EDA2R: variants seen among roughly 807,000 people sequenced by gnomAD.
EDA2R encodes tumor necrosis factor receptor superfamily member 27.
Under a neutral mutation model 20.1 loss-of-function variants are expected in EDA2R, and 26 were observed. That is an observed-to-expected ratio of 1.30 (90% CI 0.95 to 1.80). The LOEUF (loss-of-function observed/expected upper bound fraction) is 1.80, where lower values mean the gene tolerates loss of function less well. Among genes scored for constraint, EDA2R ranks in the 40% most tolerant of loss-of-function variants. The pLI is 0.00. For missense variants in EDA2R, 277 were observed against 228.7 expected (o/e 1.21, Z -1.36); for synonymous variants, 114 against 88.7 (o/e 1.29, Z -1.60).
chrX:66,604,020 C>T (rs977222626), intron 4 of EDA2R, among the ~76,000 whole-genome samples: 138 of 111,533 alleles, frequency 1.2e-3, no homozygotes, highest in African/African-American at 4.4e-3. Context: ...AGATTGGACC[C>T]TAGTTCTTCA....
At chrX:66,616,670 T>C (rs1317951578) in intron 1 of EDA2R, among the ~76,000 whole-genome samples, 1 of 112,343 alleles carries the variant, frequency 8.9e-6, no homozygotes, top group African/African-American at 3.2e-5. Context: ...GTAGACATAT[T>C]TTGGTGCACA....
chrX:66,635,711 ATG>A (rs1934257581), intron 1 of EDA2R, among the ~76,000 whole-genome samples: 1 of 111,932 alleles, frequency 8.9e-6, no homozygotes, highest in Non-Finnish European at 1.9e-5. Flanking sequence ...AGTAAGAAAA[ATG>A]TGTCTTGCAG....
At chrX:66,624,706 G>A (rs748766631) in intron 1 of EDA2R, among the ~76,000 whole-genome samples, 4 of 110,995 alleles carry the variant, frequency 3.6e-5, no homozygotes, top group African/African-American at 6.6e-5. Flanking sequence ...GGTTTGCATC[G>A]TGCATTTTAG....
intron 2 of EDA2R, among the ~76,000 whole-genome samples, chrX:66,609,766 T>C (rs1930383858): frequency 1.8e-5 from 2 of 111,895 alleles, no homozygotes; most frequent in Admixed American, 9.5e-5. Flanking sequence ...GCTGACCAAA[T>C]GAACAAAAGG....
At position 66,602,817 on chromosome X, in the gene EDA2R, G is replaced by A. The variant is rs747797955; in HGVS notation, c.353-20C>T. ...AGGCACCTGTGAGACAAAAAAATGG[G>A]GGAGGTCAGTTAGCATGGGCAGTAA... On this transcript the variant is annotated intron_variant, in intron 4 of 6. Transcript: ENST00000374719. 1 of 1,161,419 alleles carries A rather than the reference G, an allele frequency of 8.6e-7. No homozygotes were observed. The highest frequency in any genetic ancestry group is 2.0e-5 in the South Asian group (1 of 49,689).
chrX:66,616,169 G>C, intron 1 of EDA2R, 139 bp from the exon 2 acceptor site: 2 of 450,405 alleles, frequency 4.4e-6, no homozygotes, highest in East Asian at 7.5e-5. Flanking sequence ...CAACACAAAA[G>C]AGTTAATGCT....
chrX:66,628,457 AAAG>A (rs1284621472), intron 1 of EDA2R, among the ~76,000 whole-genome samples: 1 of 111,666 alleles, frequency 9.0e-6, no homozygotes, highest in African/African-American at 3.3e-5. Context: ...TTAACCAAGA[AAAG>A]AAGTCAGAAA....
intron 4 of EDA2R, 85 bp from the exon 5 acceptor site, chrX:66,602,882 T>C: frequency 1.1e-6 from 1 of 911,201 alleles, no homozygotes; most frequent in Non-Finnish European, 1.5e-6. Flanking sequence ...CCTCAGGCTG[T>C]CACCCTTCTC....
chrX:66,629,747 T>C (rs974171706), intron 1 of EDA2R, among the ~76,000 whole-genome samples: 1 of 111,355 alleles, frequency 9.0e-6, no homozygotes, highest in African/African-American at 3.3e-5. Context: ...AACAATATTG[T>C]GAAAATGACC....
chrX:66,603,345 G>C (rs781319582), intron 4 of EDA2R, among the ~76,000 whole-genome samples: 85 of 111,869 alleles, frequency 7.6e-4, no homozygotes, highest in African/African-American at 2.6e-3. Context: ...CATTAGTGGA[G>C]AGTATGGCAG....
rs770925925 is a variant in EDA2R, at chrX:66,599,845, A to T, written c.533T>A (p.Phe178Tyr). ...CTCCTTTGCTGTTTTATCAGCCTCA[A>T]ACTGCAGCAAACCTCCTGCAACTCG... is the stretch of plus-strand genomic sequence containing the variant. ...RHCQRGGLLQ[F>Y]EADKTAKEES... Residue 178 changes from phenylalanine (F) to tyrosine (Y), a missense_variant, in exon 6 of 7, where the codon TTT becomes TAT. Phe to Tyr is a conservative substitution (Grantham distance 22). Coordinates refer to ENST00000374719, the MANE Select transcript of EDA2R (RefSeq NM_021783.5). The T allele has an allele frequency of 1.7e-5, 20 of 1,204,443 alleles. No individual in the cohort carries two copies. Among genetic ancestry groups the T allele is most frequent in the Non-Finnish European group, 2.2e-5 (20 of 892,308 alleles).
chrX:66,616,061 C>T (rs1215482548), intron 1 of EDA2R, 31 bp from the exon 2 acceptor site: 2 of 1,058,620 alleles, frequency 1.9e-6, no homozygotes, highest in Admixed American at 4.5e-5. Context: ...AACTAGCAAG[C>T]TAGTGGGAAG....
intron 1 of EDA2R, among the ~76,000 whole-genome samples, chrX:66,619,382 G>A (rs1932229507): frequency 8.9e-6 from 1 of 112,114 alleles, no homozygotes; most frequent in Admixed American, 9.4e-5. Flanking sequence ...AAACTTTTCC[G>A]AGACAATTGC....
chrX:66,600,650 T>G (rs1928416025), intron 5 of EDA2R, among the ~76,000 whole-genome samples: 1 of 111,916 alleles, frequency 8.9e-6, no homozygotes, highest in South Asian at 3.8e-4. Flanking sequence ...ACTGTGATAA[T>G]AAGCTACTAA....
rs770084818 is a variant in EDA2R, at chrX:66,604,431, AG to A, written c.341del (p.Ser114LeufsTer9). ...CIPCTKQTPT[S>X]EVQCAFQLSL... ...GAACTGGGTACACACATTGAACCTC[AG>A]AGGTGGGGGTCTGCTTCGTGCACGG... On this transcript the variant is annotated frameshift_variant, in exon 4 of 7. Coordinates refer to ENST00000374719, the MANE Select transcript of EDA2R (RefSeq NM_021783.5). LOFTEE classifies it high-confidence loss of function. 1.7e-6 allele frequency: 2 copies of A among 1,208,283 alleles called. No homozygotes were observed. Among genetic ancestry groups the A allele is most frequent in the East Asian group, 5.9e-5 (2 of 33,761 alleles).
chrX:66,619,600 G>C (rs978172546), intron 1 of EDA2R, among the ~76,000 whole-genome samples: 1 of 111,433 alleles, frequency 9.0e-6, no homozygotes, highest in Non-Finnish European at 1.9e-5. Context: ...GTTGGGGAGA[G>C]GAAGGGAAGT....
In EDA2R at chrX:66,597,297, C is replaced by T. The variant is rs892750251; in HGVS notation, c.*807G>A. On this transcript the variant is annotated 3_prime_UTR_variant, in exon 7 of 7. Transcript: ENST00000374719. ...GGTGAGAAAGCTGGGATTGAATTGA[C>T]ATTTCAATAGAAAGAGGCATACTCA... 1 of 112,046 alleles carries T rather than the reference C, an allele frequency of 8.9e-6. No homozygotes were observed. The highest frequency in any genetic ancestry group is 1.9e-5 in the Non-Finnish European group (1 of 53,207). The allele number at this position is 112,046 out of a possible 1,213,427, so 9.2% of individuals were successfully genotyped here. A position where few individuals can be genotyped will look rare whatever the true frequency, so the allele number is the denominator to read the frequency against.
chrX:66,606,955 A>G (rs1196901751), intron 2 of EDA2R, among the ~76,000 whole-genome samples: 4 of 112,728 alleles, frequency 3.5e-5, no homozygotes, highest in Non-Finnish European at 7.5e-5. Flanking sequence ...TGCAAGGCAA[A>G]CTAACAAACC....
At chrX:66,598,858 A>T (rs1927944686) in intron 6 of EDA2R, among the ~76,000 whole-genome samples, 1 of 111,789 alleles carries the variant, frequency 8.9e-6, no homozygotes, top group African/African-American at 3.3e-5. Flanking sequence ...CTCATGCTAC[A>T]TAAGCTTTGA....
Sources: allele counts gnomAD v4.1 joint callset (sites outside exome capture counted in the v4.1 genomes callset), GRCh38; gene constraint gnomAD v4.1.1; transcripts MANE v1.5; gene names NCBI Gene and HGNC (gene_info 2026-07-23, HGNC 2026-07-21).